Variants in TMEM132C observed in about 807,000 individuals in gnomAD.
TMEM132C encodes the protein transmembrane protein 132C, also known as protein phosphatase 1, regulatory subunit 152.
TMEM132C carries 29 observed loss-of-function variants against 61.4 expected under a neutral mutation model. The ratio of observed to expected loss-of-function variants is 0.47; its 90% CI spans 0.35 to 0.64. TMEM132C has a LOEUF of 0.64. TMEM132C is among the 30% of genes least tolerant of loss of function. The probability of loss-of-function intolerance (pLI) is 0.00; values close to 1 mark genes in which losing one functional copy is unlikely to be tolerated. For missense variants in TMEM132C, 1,408 were observed against 1,476.9 expected (o/e 0.95, Z 0.76); for synonymous variants, 656 against 633.1 (o/e 1.04, Z -0.54).
rs1873957267 is a variant in TMEM132C at position 128,546,547 on chromosome 12, G to A, written c.1121+2444G>A. ...TTGCTGTCTCAGTGGTAAGCATTGT[G>A]CATGAGTTTCCACAGTCAGCCATCC... On this transcript the variant is annotated intron_variant, in intron 3 of 8. Transcript: ENST00000435159. 3.3e-5 allele frequency among the ~76,000 whole-genome samples: 5 copies of A among 152,244 alleles called. No homozygotes were observed. In the South Asian group the frequency reaches 1.0e-3, roughly 32 times the overall value.
chr12:128,575,930 T>C (rs1307310478), intron 3 of TMEM132C, among the ~76,000 whole-genome samples: 2 of 152,206 alleles, frequency 1.3e-5, no homozygotes, highest in Non-Finnish European at 2.9e-5. Flanking sequence ...GCAGCTGATA[T>C]CTTGCACCTT....
intron 1 of TMEM132C, among the ~76,000 whole-genome samples, chr12:128,273,662 T>G (rs963680230): frequency 6.6e-6 from 1 of 152,200 alleles, no homozygotes; most frequent in African/African-American, 2.4e-5. Flanking sequence ...TATGGTTCCA[T>G]TTTATCTCCA....
intron 2 of TMEM132C, among the ~76,000 whole-genome samples, chr12:128,540,394 C>T (rs1203766047): frequency 6.6e-6 from 1 of 152,128 alleles, no homozygotes; most frequent in East Asian, 1.9e-4. Context: ...GCTGGGACTA[C>T]AGGCATGCAC....
intron 1 of TMEM132C, among the ~76,000 whole-genome samples, chr12:128,298,735 T>G (rs1412652307): frequency 6.6e-6 from 1 of 152,252 alleles, no homozygotes; most frequent in Non-Finnish European, 1.5e-5. Context: ...TGGAGTTGTC[T>G]TTGATCCACA....
intron 3 of TMEM132C, among the ~76,000 whole-genome samples, chr12:128,580,803 C>T (rs1031213430): frequency 2.0e-5 from 3 of 152,160 alleles, no homozygotes; most frequent in Non-Finnish European, 4.4e-5. Context: ...CTTACCCCAC[C>T]CCATAGGCAT....
Position 128,392,064 on chromosome 12 carries a change from T to TCTCTCTCTC in TMEM132C, c.86-22668_86-22667insCTCTCTCTC, listed in dbSNP as rs1555222005. 1.0e-3 allele frequency among the ~76,000 whole-genome samples: 136 copies of TCTCTCTCTC among 130,532 alleles called. 2 individuals are homozygous for TCTCTCTCTC. Among genetic ancestry groups the TCTCTCTCTC allele is most frequent in the African/African-American group, 4.3e-3 (132 of 30,602 alleles). 85.6% of individuals were successfully genotyped at this position (130,532 alleles called of 152,430 possible). On this transcript the variant is annotated intron_variant, in intron 1 of 8. Transcript: ENST00000435159. ...TCTCTCTGTCTCTGTCTCTCTCTCTTTCTCTCTCTCTCTCTCTCTCTCTCT... is the reference window on the plus strand; with the variant it reads ...TCTCTCTGTCTCTGTCTCTCTCTCTTCTCTCTCTCTCTCTCTCTCTCTCTCTCTCTCTCT...
At chr12:128,417,399 A>G (rs1173061438) in intron 2 of TMEM132C, among the ~76,000 whole-genome samples, 7 of 152,086 alleles carry the variant, frequency 4.6e-5, no homozygotes, top group Non-Finnish European at 1.5e-5. Flanking sequence ...AAGGTCCACA[A>G]CCTTACAGCT....
chr12:128,443,142 G>T (rs1043574864), intron 2 of TMEM132C, among the ~76,000 whole-genome samples: 1 of 141,572 alleles, frequency 7.1e-6, no homozygotes, highest in African/African-American at 2.9e-5. Flanking sequence ...TATATATATT[G>T]AGAGAGAGAG....
At chr12:128,584,316 AC>A (rs1300044587) in intron 3 of TMEM132C, among the ~76,000 whole-genome samples, 1 of 152,164 alleles carries the variant, frequency 6.6e-6, no homozygotes, top group East Asian at 1.9e-4. Flanking sequence ...TTGCAATATC[AC>A]TGGAGGACCC....
At chr12:128,321,138 A>T (rs1160650835) in intron 1 of TMEM132C, among the ~76,000 whole-genome samples, 5 of 143,776 alleles carry the variant, frequency 3.5e-5, no homozygotes, top group Non-Finnish European at 6.0e-5. Flanking sequence ...CATTTTTGAA[A>T]AATAATAATA....
chr12:128,637,304 C>T (rs539810810), intron 4 of TMEM132C, among the ~76,000 whole-genome samples: 1 of 152,298 alleles, frequency 6.6e-6, no homozygotes, highest in Non-Finnish European at 1.5e-5. Flanking sequence ...CTTAAGTCAT[C>T]CCGAAAGCTC....
chr12:128,276,916 A>ACACACACACACACACACACACACACAC, intron 1 of TMEM132C, among the ~76,000 whole-genome samples: 1 of 151,562 alleles, frequency 6.6e-6, no homozygotes, highest in East Asian at 2.0e-4. Flanking sequence ...ACACACACAC[A>ACACACACACACACACACACACACACAC]ATTCTAGGCT....
At chr12:128,398,709 G>A (rs192568651) in intron 1 of TMEM132C, among the ~76,000 whole-genome samples, 124 of 152,110 alleles carry the variant, frequency 8.2e-4, no homozygotes, top group Non-Finnish European at 1.1e-3. Context: ...TGAAAATTAG[G>A]GATAATAAAG....
intron 5 of TMEM132C, among the ~76,000 whole-genome samples, chr12:128,681,930 A>G (rs1201240138): frequency 2.0e-5 from 3 of 147,140 alleles, no homozygotes; most frequent in Non-Finnish European, 4.4e-5. Context: ...TTGGCCTCCC[A>G]AAGTGCTGGG....
At position 128,267,187 on chromosome 12, in the gene TMEM132C, G is replaced by A. The variant is rs1307510159; in HGVS notation, c.-216G>A. ...CTGCGGGAGAAAAGTTGTCCCGGCC[G>A]GAGCGCGAGCAGCGGCGGAGCCGGA... On this transcript the variant is annotated 5_prime_UTR_variant, in exon 1 of 9. Coordinates refer to ENST00000435159, the MANE Select transcript of TMEM132C (RefSeq NM_001136103.3). 6.8e-6 allele frequency among the ~76,000 whole-genome samples: 1 copy of A among 147,016 alleles called. No homozygotes were observed. Among genetic ancestry groups the A allele is most frequent in the Non-Finnish European group, 1.5e-5 (1 of 66,046 alleles).
chr12:128,461,208 A>G (rs905248355), intron 2 of TMEM132C, among the ~76,000 whole-genome samples: 4 of 152,192 alleles, frequency 2.6e-5, no homozygotes, highest in Non-Finnish European at 4.4e-5. Flanking sequence ...TTGGCATTTT[A>G]AAATCTACAT....
At chr12:128,691,582 G>A (rs1954719559) in intron 5 of TMEM132C, among the ~76,000 whole-genome samples, 1 of 152,172 alleles carries the variant, frequency 6.6e-6, no homozygotes, top group Admixed American at 6.5e-5. Flanking sequence ...CTGTCCATCA[G>A]TGTGTGCATC....
At chr12:128,537,719 A>G (rs1873584233) in intron 2 of TMEM132C, among the ~76,000 whole-genome samples, 1 of 152,178 alleles carries the variant, frequency 6.6e-6, no homozygotes, top group Non-Finnish European at 1.5e-5. Context: ...TATTATTGTG[A>G]TGGCTACTCA....
At chr12:128,671,906 C>T (rs1256799663) in intron 5 of TMEM132C, among the ~76,000 whole-genome samples, 1 of 152,036 alleles carries the variant, frequency 6.6e-6, no homozygotes, top group African/African-American at 2.4e-5. Flanking sequence ...CCACAAAGCC[C>T]ATGGGAGGAA....
Sources: gnomAD v4.1 joint callset for allele counts (sites outside exome capture counted in the v4.1 genomes callset) on GRCh38, gnomAD v4.1.1 for gene constraint, MANE v1.5 for transcripts, NCBI Gene and HGNC (gene_info 2026-07-23, HGNC 2026-07-21) for gene names.